The following SYNE1 variants were observed in gnomAD, a reference collection of about 807,000 sequenced individuals.
SYNE1 encodes the protein nesprin-1.
SYNE1 carries 616 observed loss-of-function variants against 1,111.0 expected under a neutral mutation model. The ratio of observed to expected loss-of-function variants is 0.55; its 90% CI spans 0.52 to 0.59. SYNE1 has a LOEUF of 0.59. Ranked by LOEUF, SYNE1 falls within the 20% of genes least tolerant of loss-of-function variation. The pLI is 0.00. For missense variants in SYNE1, 10,006 were observed against 10,417.0 expected (o/e 0.96, Z 1.72); for synonymous variants, 3,855 against 3,825.8 (o/e 1.01, Z -0.28).
At chr6:152,193,935 C>T (rs1383381180) in intron 127 of SYNE1, among the ~76,000 whole-genome samples, 1 of 151,254 alleles carries the variant, frequency 6.6e-6, no homozygotes, top group Non-Finnish European at 1.5e-5. Context: ...ATGGCATGAA[C>T]CCAGGAGGCA....
intron 97 of SYNE1, among the ~76,000 whole-genome samples, chr6:152,280,846 T>C (rs1589269445): frequency 6.6e-6 from 1 of 152,200 alleles, no homozygotes; most frequent in Non-Finnish European, 1.5e-5. Context: ...TAACAGTGCT[T>C]TGGATACACA....
intron 131 of SYNE1, among the ~76,000 whole-genome samples, chr6:152,157,910 C>G: frequency 6.6e-6 from 1 of 152,104 alleles, no homozygotes; most frequent in East Asian, 1.9e-4. Context: ...AGGCGCCCAC[C>G]ACCATGCCTG....
chr6:152,319,514 C>T (rs1461075529), intron 84 of SYNE1, among the ~76,000 whole-genome samples: 3 of 152,084 alleles, frequency 2.0e-5, no homozygotes, highest in Non-Finnish European at 1.5e-5. Context: ...AGTATGCCAA[C>T]CAAGCATTAA....
In SYNE1 at chr6:152,381,252, C is replaced by T. The variant is rs377480628; in HGVS notation, c.8763G>A (p.Thr2921=). The T allele has an allele frequency of 1.2e-6, 2 of 1,614,222 alleles. No individual in the cohort carries two copies. The highest frequency in any genetic ancestry group is 1.3e-5 in the African/African-American group (1 of 75,072). The change falls in exon 56 of 146, where the codon ACG becomes ACA. Residue 2921 remains threonine (T), a synonymous_variant. Coordinates refer to ENST00000367255, the MANE Select transcript of SYNE1 (RefSeq NM_182961.4). ...AGTCGGCACGCAGGGCCTGCATCTC[C>T]GTGTGCATGAGCTCACACCCACTGG... is the stretch of plus-strand genomic sequence containing the variant. ...TTASGCELMH[T]EMQALRADWK...
rs1454810736 is a variant in SYNE1 at position 152,236,288 on chromosome 6, G to T, written c.20215C>A (p.Leu6739Ile). The T allele has an allele frequency of 6.2e-7, 1 of 1,612,884 alleles. No individual in the cohort carries two copies. Among genetic ancestry groups the T allele is most frequent in the Non-Finnish European group, 8.5e-7 (1 of 1,179,026 alleles). The change falls in exon 110 of 146, where the codon CTT (leucine) becomes ATT (isoleucine). Residue 6739 changes from leucine to isoleucine, a missense_variant. Physicochemically the swap from Leu to Ile is conservative, Grantham distance 5. This residue lies in a region of SYNE1 where 2,182 missense variants were observed against 2,287.8 expected (regional missense o/e 0.95). Transcript: ENST00000367255. The part of the protein sequence containing the change: ...ITLYQHLKSS[L>I]NEYQPKLYQV... ...TATAATTTGGGCTGGTATTCATTAA[G>T]GCTAGATTTTAAATGCTAAAATATT... is the stretch of plus-strand genomic sequence containing the variant.
At chr6:152,188,973 AAAAAAAAAAAAATATATATATATATATAT>A in intron 128 of SYNE1, among the ~76,000 whole-genome samples, 1 of 60,574 alleles carries the variant, frequency 1.7e-5, no homozygotes, top group African/African-American at 8.0e-5. Flanking sequence ...AAAAAAAAAA[AAAAAAAAAAAAATATATATATATATATAT>A]ATATATATAT....
At chr6:152,259,301 A>G (rs1319567337) in intron 101 of SYNE1, among the ~76,000 whole-genome samples, 2 of 151,846 alleles carry the variant, frequency 1.3e-5, no homozygotes, top group Non-Finnish European at 2.9e-5. Flanking sequence ...TGTATGCACT[A>G]TTTCCTTATT....
chr6:152,372,444 T>C (rs890763325), intron 59 of SYNE1, among the ~76,000 whole-genome samples: 6 of 152,230 alleles, frequency 3.9e-5, no homozygotes, highest in African/African-American at 1.2e-4. Flanking sequence ...ATACCCTCTA[T>C]GCCTCTAAAT....
chr6:152,171,704 A>G (rs1027580282), intron 130 of SYNE1, among the ~76,000 whole-genome samples: 2 of 152,116 alleles, frequency 1.3e-5, no homozygotes, highest in African/African-American at 4.8e-5. Context: ...GCATTATGAC[A>G]CTTATTTGGT....
intron 134 of SYNE1, 81 bp downstream of exon 134, chr6:152,151,878 G>A (rs1331460237): frequency 5.8e-6 from 9 of 1,553,578 alleles, no homozygotes; most frequent in Non-Finnish European, 7.9e-6. Context: ...CAAAATCACT[G>A]AGACTGTGTC....
At chr6:152,604,978 A>G (rs1393939609) in intron 3 of SYNE1, among the ~76,000 whole-genome samples, 1 of 20,942 alleles carries the variant, frequency 4.8e-5, no homozygotes, top group African/African-American at 2.2e-4. Context: ...GAAAGAAAGA[A>G]AGAAAGAAAG....
At chr6:152,134,973 TGTAAA>T (rs2056718153) in intron 142 of SYNE1, 126 bp downstream of exon 142, 3 of 1,237,828 alleles carry the variant, frequency 2.4e-6, no homozygotes, top group East Asian at 2.4e-5. Flanking sequence ...GTTAAAAAAG[TGTAAA>T]GTAGAGACTA....
At chr6:152,316,713 AG>A in intron 87 of SYNE1, 135 bp downstream of exon 87, 1 of 915,994 alleles carries the variant, frequency 1.1e-6, no homozygotes, top group Admixed American at 2.1e-5. Context: ...TGAACAACTT[AG>A]GGGTACCTTA....
intron 131 of SYNE1, among the ~76,000 whole-genome samples, chr6:152,157,903 C>T (rs7754314): frequency 0.21 from 31,998 of 151,758 alleles, 3,890 homozygotes; most frequent in African/African-American, 0.34. Flanking sequence ...GGATTACAGG[C>T]GCCCACCACC....
chr6:152,509,248 CTTTTTTT>C (rs11305679), intron 8 of SYNE1, among the ~76,000 whole-genome samples: 34 of 75,794 alleles, frequency 4.5e-4, no homozygotes, highest in African/African-American at 1.4e-3. Flanking sequence ...TTTTCTTTTT[CTTTTTTT>C]TTTTTTTTTT....
chr6:152,165,358 T>C (rs2063439860), intron 130 of SYNE1, among the ~76,000 whole-genome samples: 1 of 152,242 alleles, frequency 6.6e-6, no homozygotes, highest in Non-Finnish European at 1.5e-5. Context: ...CAAGTGAAAA[T>C]GTAGTCATTT....
intron 87 of SYNE1, 128 bp downstream of exon 87, chr6:152,316,721 C>T (rs1472490603): frequency 2.9e-6 from 3 of 1,034,046 alleles, no homozygotes; most frequent in Non-Finnish European, 2.9e-6. Context: ...TTAGGGGTAC[C>T]TTAGCATTCT....
intron 133 of SYNE1, among the ~76,000 whole-genome samples, 174 bp downstream of exon 133, chr6:152,154,718 C>A (rs2061058943): frequency 6.6e-6 from 1 of 152,008 alleles, no homozygotes; most frequent in African/African-American, 2.4e-5. Context: ...TCTTTTTCCC[C>A]CTTCATACGT....
Position 152,326,370 on chromosome 6 carries a change from C to T in SYNE1, c.15219G>A (p.Gln5073=), listed in dbSNP as rs1563086001. ...IKPTGKEDLE[Q]KVASLELRSQ... ...TCCTGAGTTCCAGAGAAGCCACTTT[C>T]TGTTCTAGGTCTTCTTTGCCGGTTG... The change falls in exon 79 of 146, where the codon CAG becomes CAA. Residue 5073 remains glutamine, a synonymous_variant. Transcript: ENST00000367255. 1 of 1,614,162 alleles carries T rather than the reference C, an allele frequency of 6.2e-7. No homozygotes were observed. Among genetic ancestry groups the T allele is most frequent in the Admixed American group, 1.7e-5 (1 of 60,022 alleles).
Sources: allele counts gnomAD v4.1 joint callset (sites outside exome capture counted in the v4.1 genomes callset), GRCh38; gene constraint gnomAD v4.1.1; regional missense constraint gnomAD v4.1.1; transcripts MANE v1.5; gene names NCBI Gene and HGNC (gene_info 2026-07-23, HGNC 2026-07-21).